PPM1H: variants seen among roughly 807,000 people sequenced by gnomAD.
PPM1H encodes protein phosphatase, Mg2+/Mn2+ dependent 1H, also known as protein phosphatase 1H.
Under a neutral mutation model 54.9 loss-of-function variants are expected in PPM1H, and 27 were observed. That is an observed-to-expected ratio of 0.49 (90% CI 0.36 to 0.68). The LOEUF is 0.68. Ranked by LOEUF, PPM1H falls within the 30% of genes least tolerant of loss-of-function variation. The probability of loss-of-function intolerance (pLI) is 0.00; values close to 1 mark genes in which losing one functional copy is unlikely to be tolerated. For synonymous variants in PPM1H, 305 were observed against 270.8 expected (o/e 1.13, Z -1.24); for missense variants, 596 against 667.8 (o/e 0.89, Z 1.19).
At chr12:62,775,719 C>A (rs1358961250) in intron 4 of PPM1H, among the ~76,000 whole-genome samples, 1 of 152,200 alleles carries the variant, frequency 6.6e-6, no homozygotes, top group Non-Finnish European at 1.5e-5. Flanking sequence ...ATGGTCACTG[C>A]AGCACTAGCT....
chr12:62,748,566 ACG>A (rs1491376641), intron 4 of PPM1H, among the ~76,000 whole-genome samples: 1 of 143,590 alleles, frequency 7.0e-6, no homozygotes, highest in South Asian at 2.2e-4. Flanking sequence ...ACACACACAC[ACG>A]TGTGAGGAAG....
At chr12:62,680,041 A>C (rs1207912618) in intron 8 of PPM1H, among the ~76,000 whole-genome samples, 1 of 152,166 alleles carries the variant, frequency 6.6e-6, no homozygotes, top group Non-Finnish European at 1.5e-5. Flanking sequence ...CAAGCATGTT[A>C]TTCTTCACAT....
Position 62,802,111 on chromosome 12 carries a change from G to A in PPM1H, c.461C>T (p.Ala154Val), listed in dbSNP as rs1043721690. The A allele has an allele frequency of 1.9e-6, 3 of 1,599,060 alleles. No homozygotes were observed. Among genetic ancestry groups the A allele is most frequent in the Admixed American group, 3.4e-5 (2 of 58,270 alleles). The stretch of plus-strand genomic sequence containing the variant: ...CGCCACCACCGCGGCCCCGGACCCC[G>A]CGTGCCCGTCAAACAGCGACCAATA... ...CHYWSLFDGH[A>V]GSGAAVVASR... Residue 154 changes from alanine (A) to valine (V), a missense_variant, in exon 3 of 10, where the codon GCG (alanine) becomes GTG (valine). Physicochemically the swap from Ala to Val is moderately conservative, Grantham distance 64. Coordinates refer to ENST00000228705, the MANE Select transcript of PPM1H (RefSeq NM_020700.2).
At chr12:62,799,769 G>C (rs1242796845) in intron 3 of PPM1H, among the ~76,000 whole-genome samples, 2 of 152,124 alleles carry the variant, frequency 1.3e-5, no homozygotes, top group African/African-American at 4.8e-5. Flanking sequence ...TTTTTTAAGA[G>C]ATGGGGTTTT....
intron 8 of PPM1H, among the ~76,000 whole-genome samples, chr12:62,671,774 TG>T (rs1359329841): frequency 3.9e-5 from 6 of 152,304 alleles, no homozygotes; most frequent in South Asian, 4.1e-4. Context: ...AGTGTTAGAC[TG>T]GTGGTGAAGA....
chr12:62,765,118 G>A (rs774494384), intron 4 of PPM1H, among the ~76,000 whole-genome samples: 3 of 152,216 alleles, frequency 2.0e-5, no homozygotes, highest in Non-Finnish European at 4.4e-5. Flanking sequence ...AAACTGGACT[G>A]GTATAGGACA....
At chr12:62,696,437 A>G (rs2076115210) in intron 6 of PPM1H, among the ~76,000 whole-genome samples, 1 of 152,194 alleles carries the variant, frequency 6.6e-6, no homozygotes, top group Middle Eastern at 3.2e-3. Context: ...CCTCTCCCCC[A>G]GCAACTAACG....
At chr12:62,720,380 G>A (rs1022165681) in intron 5 of PPM1H, 91 bp from the exon 6 acceptor site, 2 of 949,786 alleles carry the variant, frequency 2.1e-6, no homozygotes, top group Non-Finnish European at 1.6e-6. Context: ...ATTGAGACAG[G>A]CCATATTTTA....
rs2075785986 is a variant in PPM1H at position 62,646,560 on chromosome 12, C to T, written c.*1929G>A. ...CCGAAGGTTTTCCTACAGCATCAGA[C>T]TCTGCCACGAAGCAAAGCATTTTCC... On this transcript the variant is annotated 3_prime_UTR_variant, in exon 10 of 10. Transcript: ENST00000228705. 1 of 152,290 alleles carries T rather than the reference C, an allele frequency of 6.6e-6. No homozygotes were observed. The highest frequency in any genetic ancestry group is 2.1e-4 in the South Asian group (1 of 4,832). 9.4% of individuals were successfully genotyped at this position (152,290 alleles called of 1,614,324 possible). A position where few individuals can be genotyped will look rare whatever the true frequency, so the allele number is the denominator to read the frequency against.
At chr12:62,655,347 T>C (rs561612464) in intron 9 of PPM1H, among the ~76,000 whole-genome samples, 1 of 152,300 alleles carries the variant, frequency 6.6e-6, no homozygotes, top group Non-Finnish European at 1.5e-5. Context: ...CTGCTTTATG[T>C]CAAGACTGGG....
At chr12:62,919,013 T>C (rs1048364191) in intron 1 of PPM1H, among the ~76,000 whole-genome samples, 3 of 152,192 alleles carry the variant, frequency 2.0e-5, no homozygotes, top group African/African-American at 7.2e-5. Context: ...TTGAAGTTCT[T>C]CTCATCCACA....
chr12:62,697,596 T>C (rs2076121652), intron 6 of PPM1H, among the ~76,000 whole-genome samples: 1 of 152,230 alleles, frequency 6.6e-6, no homozygotes, highest in Non-Finnish European at 1.5e-5. Flanking sequence ...CTTGAATTTA[T>C]GCTTCCAGCT....
rs1368352528 is a variant in PPM1H, at chr12:62,646,158, A to T, written c.*2331T>A. ...TCCACTCAAGGGGGCGTAGGAAAAC[A>T]ATTCCTGGATGCCTTTCTAACTAAA... On this transcript the variant is annotated 3_prime_UTR_variant, in exon 10 of 10. Transcript: ENST00000228705. The T allele has an allele frequency of 6.6e-6, 1 of 152,232 alleles. No individual in the cohort carries two copies. Among genetic ancestry groups the T allele is most frequent in the African/African-American group, 2.4e-5 (1 of 41,462 alleles). 9.4% of individuals were successfully genotyped at this position (152,232 alleles called of 1,614,324 possible).
intron 1 of PPM1H, among the ~76,000 whole-genome samples, chr12:62,908,168 C>G (rs1377070558): frequency 6.6e-6 from 1 of 152,054 alleles, no homozygotes; most frequent in African/African-American, 2.4e-5. Context: ...AATCCCAGCA[C>G]TTTGGGAAGC....
intron 8 of PPM1H, among the ~76,000 whole-genome samples, chr12:62,682,586 T>A (rs1592540629): frequency 6.6e-6 from 1 of 152,298 alleles, no homozygotes; most frequent in East Asian, 1.9e-4. Context: ...AAGGCAGCCT[T>A]GAACTCCTGG....
chr12:62,755,771 A>G lies in PPM1H; in HGVS notation c.870-18185T>C, dbSNP rs2076470197. ...ATGAATGACCACAGTCCATGCCATC[A>G]CTGCCACCCAGAAGACTGTGGATGG... On this transcript the variant is annotated intron_variant, in intron 4 of 9. Coordinates refer to ENST00000228705, the MANE Select transcript of PPM1H (RefSeq NM_020700.2). 1.3e-5 allele frequency: 12 copies of G among 930,840 alleles called. No homozygotes were observed. The East Asian group carries it at 2.9e-4, about 23-fold the overall frequency. The allele number at this position is 930,840 out of a possible 1,614,324, so 57.7% of individuals were successfully genotyped here.
intron 2 of PPM1H, among the ~76,000 whole-genome samples, chr12:62,830,675 C>A (rs1467900201): frequency 1.3e-5 from 2 of 152,194 alleles, no homozygotes; most frequent in African/African-American, 2.4e-5. Flanking sequence ...TTAACCATCA[C>A]CATTCTATAC....
chr12:62,694,486 G>A (rs914211427), intron 6 of PPM1H, among the ~76,000 whole-genome samples: 4 of 152,152 alleles, frequency 2.6e-5, no homozygotes, highest in African/African-American at 9.7e-5. Context: ...AATATGCAAG[G>A]TTGGTAAAAC....
chr12:62,766,758 T>C (rs926969345), intron 4 of PPM1H, among the ~76,000 whole-genome samples: 1 of 152,198 alleles, frequency 6.6e-6, no homozygotes, highest in East Asian at 1.9e-4. Flanking sequence ...TGGAGGCACA[T>C]GGCATAAGCA....
Sources: allele counts gnomAD v4.1 joint callset (sites outside exome capture counted in the v4.1 genomes callset), GRCh38; gene constraint gnomAD v4.1.1; transcripts MANE v1.5; gene names NCBI Gene and HGNC (gene_info 2026-07-23, HGNC 2026-07-21).